Variants in MKRN2OS observed in about 807,000 individuals in gnomAD.
MKRN2OS encodes MKRN2 opposite strand.
In MKRN2OS, 17 loss-of-function variants were observed where a neutral mutation model predicts 18.2. The ratio of observed to expected loss-of-function variants is 0.93; its 90% CI spans 0.64 to 1.40. MKRN2OS has a LOEUF of 1.40. Among genes scored for constraint, MKRN2OS ranks in the 40% most tolerant of loss-of-function variants. MKRN2OS has a pLI of 0.00. For synonymous variants in MKRN2OS, 121 were observed against 108.5 expected (o/e 1.12, Z -0.72); for missense variants, 337 against 283.0 (o/e 1.19, Z -1.37).
At chr3:12,544,536 TGTG>T (rs2057859274) in intron 1 of MKRN2OS, among the ~76,000 whole-genome samples, 1 of 151,224 alleles carries the variant, frequency 6.6e-6, no homozygotes, top group African/African-American at 2.4e-5. Flanking sequence ...ATTAGCCGGG[TGTG>T]GTGGTGGGCG....
At chr3:12,540,540 C>A (rs1017158948) in intron 3 of MKRN2OS, 107 bp from the exon 4 acceptor site, 2 of 1,309,446 alleles carry the variant, frequency 1.5e-6, no homozygotes, top group South Asian at 1.3e-5. Context: ...GCAAGCAAGG[C>A]CCCTGCATGT....
intron 3 of MKRN2OS, among the ~76,000 whole-genome samples, chr3:12,541,166 A>C (rs1281922400): frequency 9.9e-5 from 15 of 152,088 alleles, no homozygotes. Context: ...TGAGAAATTA[A>C]CTGGAAATTG....
intron 1 of MKRN2OS, among the ~76,000 whole-genome samples, chr3:12,544,380 T>C (rs887614479): frequency 1.3e-5 from 2 of 152,064 alleles, no homozygotes; most frequent in East Asian, 3.9e-4. Context: ...ACGGGGACAA[T>C]AAAATATAAA....
chr3:12,548,470 A>C (rs1387291597), upstream of MKRN2OS, among the ~76,000 whole-genome samples: 2 of 31,160 alleles, frequency 6.4e-5, no homozygotes, highest in Non-Finnish European at 1.2e-4. Flanking sequence ...AAAAAAAAAA[A>C]AAAAAAAAAA....
downstream of MKRN2OS, chr3:12,553,636 T>A (rs960881679): frequency 1.3e-5 from 2 of 152,118 alleles, no homozygotes; most frequent in Non-Finnish European, 2.9e-5. Context: ...TATTACTACT[T>A]CTCTTTAACA....
intron 1 of MKRN2OS, among the ~76,000 whole-genome samples, chr3:12,555,701 C>T (rs533842208): frequency 1.4e-4 from 21 of 152,226 alleles, no homozygotes; most frequent in Non-Finnish European, 2.5e-4. Flanking sequence ...TAAAGTATTG[C>T]CTGGGAAGGA....
rs1236750794 is a variant in MKRN2OS, at chr3:12,543,190, A to G, written c.258T>C (p.Thr86=). The G allele has an allele frequency of 7.2e-6, 11 of 1,535,764 alleles. No individual in the cohort carries two copies. The highest frequency in any genetic ancestry group is 8.7e-6 in the Non-Finnish European group (10 of 1,146,776). ...DGRSDLHVGI[T]NTNGVVYNYS... ...CAAAACTGCACTTACCATTTGTGTT[A>G]GTTATTCCAACATGAAGATCAGACC... Residue 86 remains threonine (T), a synonymous_variant, in exon 2 of 4, where the codon ACT becomes ACC. Coordinates refer to ENST00000564146, the MANE Select transcript of MKRN2OS (RefSeq NM_001195279.2).
intron 1 of MKRN2OS, 40 bp from the exon 2 acceptor site, chr3:12,543,269 A>C (rs1314963596): frequency 6.7e-7 from 1 of 1,499,094 alleles, no homozygotes; most frequent in Admixed American, 2.0e-5. Context: ...GTTTGCATGT[A>C]TTTGGCATGA....
At position 12,556,456 on chromosome 3, in the gene MKRN2OS, G is replaced by A. The variant is rs1468680283; in HGVS notation, n.265-2322C>T. Among the ~76,000 whole-genome samples the A allele has an allele frequency of 2.6e-5, 4 of 152,332 alleles. No individual in the cohort carries two copies. In the East Asian group the frequency reaches 7.7e-4, roughly 29 times the overall value. ...GGCAGAAGAGGACGCATTGGACAGA[G>A]GTGTGGGAGCAGAATCTGCAGGGTA... On this transcript the variant is annotated intron_variant and non_coding_transcript_variant, in intron 1 of 1. Transcript: ENST00000447550.
downstream of MKRN2OS, among the ~76,000 whole-genome samples, chr3:12,552,280 T>A (rs1292548534): frequency 6.6e-6 from 1 of 151,466 alleles, no homozygotes; most frequent in African/African-American, 2.4e-5. Flanking sequence ...ATCGTGCCGC[T>A]GCACTTCAGC....
At chr3:12,552,132 A>C (rs2057933903), downstream of MKRN2OS, among the ~76,000 whole-genome samples, 1 of 151,986 alleles carries the variant, frequency 6.6e-6, no homozygotes, top group African/African-American at 2.4e-5. Context: ...AGCCTGGCCA[A>C]GATAGTGAAA....
upstream of MKRN2OS, among the ~76,000 whole-genome samples, chr3:12,549,850 G>C (rs996948576): frequency 1.3e-5 from 2 of 152,152 alleles, no homozygotes; most frequent in African/African-American, 4.8e-5. Context: ...TGTAATTTTG[G>C]CTTGAAGAAC....
upstream of MKRN2OS, among the ~76,000 whole-genome samples, chr3:12,547,042 AG>A (rs755487388): frequency 2.8e-4 from 42 of 151,396 alleles, no homozygotes; most frequent in Non-Finnish European, 5.5e-4. Context: ...TGGAAGGTCG[AG>A]GGTGCCTTGA....
chr3:12,547,947 G>A (rs925584264), upstream of MKRN2OS, among the ~76,000 whole-genome samples: 4 of 151,976 alleles, frequency 2.6e-5, no homozygotes, highest in South Asian at 2.1e-4. Flanking sequence ...TTACAGTGAA[G>A]GCAGAGAGGT....
intron 3 of MKRN2OS, 84 bp from the exon 4 acceptor site, chr3:12,540,517 A>T (rs2057782608): frequency 6.6e-7 from 1 of 1,503,938 alleles, no homozygotes; most frequent in South Asian, 1.2e-5. Flanking sequence ...CCTAACTGAA[A>T]TCGGGTGCCT....
At position 12,540,240 on chromosome 3, in the gene MKRN2OS, A is replaced by G. The variant is rs2057775260; in HGVS notation, c.625T>C (p.Cys209Arg). 2.0e-6 allele frequency: 3 copies of G among 1,536,148 alleles called. No individual in the cohort carries two copies. The highest frequency in any genetic ancestry group is 2.7e-5 in the African/African-American group (2 of 73,170). ...IREHGFYVTD[C>R]PQQQAQPPEG... ...GGGGGTTGTGCCTGCTGCTGGGGAC[A>G]GTCAGTGACGTAGAAGCCATGCTCC... The change falls in exon 4 of 4, where the codon TGT becomes CGT. Residue 209 changes from cysteine to arginine, a missense_variant. By Grantham distance (180) the Cys-to-Arg change is radical. Coordinates refer to ENST00000564146, the MANE Select transcript of MKRN2OS (RefSeq NM_001195279.2).
At chr3:12,553,177 G>A (rs1232917507), downstream of MKRN2OS, among the ~76,000 whole-genome samples, 1 of 152,012 alleles carries the variant, frequency 6.6e-6, no homozygotes, top group Non-Finnish European at 1.5e-5. Context: ...CATTTTATGA[G>A]ACCAGCATAT....
chr3:12,551,684 C>G (rs966806199), downstream of MKRN2OS, among the ~76,000 whole-genome samples: 2 of 151,994 alleles, frequency 1.3e-5, no homozygotes, highest in Non-Finnish European at 2.9e-5. Context: ...ACCTGTAATC[C>G]CAGCACTTTG....
At chr3:12,545,603 A>G (rs571553427), upstream of MKRN2OS, 92 of 609,134 alleles carry the variant, frequency 1.5e-4, no homozygotes, top group African/African-American at 1.7e-3. Context: ...AAGCCAAACC[A>G]GATAGGATTA....
Sources: allele counts gnomAD v4.1 joint callset (sites outside exome capture counted in the v4.1 genomes callset), GRCh38; gene constraint gnomAD v4.1.1; transcripts MANE v1.5; gene names NCBI Gene and HGNC (gene_info 2026-07-23, HGNC 2026-07-21).